Variants in PTBP2 observed in about 807,000 individuals in gnomAD.
The protein encoded by PTBP2 is polypyrimidine tract-binding protein 2.
In PTBP2, 13 loss-of-function variants were observed where a neutral mutation model predicts 61.4. That is an observed-to-expected ratio of 0.21 (90% CI 0.14 to 0.34). The LOEUF (loss-of-function observed/expected upper bound fraction) is 0.34. Among genes scored for constraint, PTBP2 ranks in the 10% least tolerant of loss-of-function variants. The pLI is 1.00. For missense variants in PTBP2, 405 were observed against 642.6 expected (o/e 0.63, Z 4.00); for synonymous variants, 215 against 218.5 (o/e 0.98, Z 0.14).
chr1:96,780,643 T>C (rs1463657229), intron 7 of PTBP2, among the ~76,000 whole-genome samples: 1 of 151,994 alleles, frequency 6.6e-6, no homozygotes, highest in African/African-American at 2.4e-5. Flanking sequence ...ACCTCTCTAT[T>C]TCTTCCTTGT....
chr1:96,812,945 G>A lies in PTBP2; in HGVS notation c.1388+17G>A, dbSNP rs1662215593. The A allele has an allele frequency of 1.9e-6, 3 of 1,596,936 alleles. No individual in the cohort carries two copies. The highest frequency in any genetic ancestry group is 1.3e-5 in the African/African-American group (1 of 74,472). ...TAATATCCCGTAAGTATATAAGCTA[G>A]AGTGTATTGAGATACATTCTATTTT... is the stretch of plus-strand genomic sequence containing the variant. On this transcript the variant is annotated intron_variant, in intron 12 of 13. Coordinates refer to ENST00000674951, the MANE Select transcript of PTBP2 (RefSeq NM_021190.4).
chr1:96,803,180 A>G (rs555305273), intron 8 of PTBP2, among the ~76,000 whole-genome samples: 10 of 152,288 alleles, frequency 6.6e-5, no homozygotes, highest in South Asian at 4.1e-4. Context: ...ACTGAAGACT[A>G]TTGTGCATTA....
intron 5 of PTBP2, among the ~76,000 whole-genome samples, chr1:96,775,469 T>C (rs747232609): frequency 6.6e-6 from 1 of 152,202 alleles, no homozygotes; most frequent in Non-Finnish European, 1.5e-5. Flanking sequence ...AACAAGCTAC[T>C]GCTGCCTGCA....
rs1662196961 is a variant in PTBP2, at chr1:96,812,643, AC to A, written c.1172-68del. 5.0e-5 allele frequency: 62 copies of A among 1,230,738 alleles called. No individual in the cohort carries two copies. In the South Asian group the frequency reaches 8.5e-4, roughly 17 times the overall value. 76.2% of individuals were successfully genotyped at this position (1,230,738 alleles called of 1,614,324 possible). A position where few individuals can be genotyped will look rare whatever the true frequency, so the allele number is the denominator to read the frequency against. On this transcript the variant is annotated intron_variant, in intron 11 of 13. Transcript: ENST00000674951. ...AGAAAATTCAAATTTTTAAACTGTT[AC>A]GTTAAAAGAATTATGTTTGTTTTGA...
rs1662351106 is a variant in PTBP2, at chr1:96,814,400, T to G, written c.*995T>G. On this transcript the variant is annotated 3_prime_UTR_variant, in exon 14 of 14. Coordinates refer to ENST00000674951, the MANE Select transcript of PTBP2 (RefSeq NM_021190.4). ...GTACTGCGAAAATATGCAGGAAGAT[T>G]AATTTTGTGGCAGTTTTCTAAAACT... 6.6e-6 allele frequency: 1 copy of G among 152,560 alleles called. No homozygotes were observed. Among genetic ancestry groups the G allele is most frequent in the Admixed American group, 6.5e-5 (1 of 15,274 alleles). 9.5% of individuals were successfully genotyped at this position (152,560 alleles called of 1,614,324 possible).
downstream of PTBP2, chr1:96,818,572 T>C (rs1386466718): frequency 6.6e-6 from 1 of 152,110 alleles, no homozygotes; most frequent in Non-Finnish European, 1.5e-5. Context: ...TAGTATCACC[T>C]AGGAGTTTAT....
intron 5 of PTBP2, among the ~76,000 whole-genome samples, chr1:96,775,014 C>T (rs1195651222): frequency 6.6e-6 from 1 of 152,216 alleles, no homozygotes; most frequent in Non-Finnish European, 1.5e-5. Flanking sequence ...ACCACCCTTC[C>T]TCCACCTCAC....
At chr1:96,784,945 C>G (rs1265318714) in intron 7 of PTBP2, 114 bp from the exon 8 acceptor site, 6 of 820,342 alleles carry the variant, frequency 7.3e-6, no homozygotes, top group Non-Finnish European at 1.1e-5. Flanking sequence ...GAATCCTTTT[C>G]CTGGTAGCTT....
chr1:96,773,123 C>CAA (rs563241972), intron 5 of PTBP2, among the ~76,000 whole-genome samples: 4,255 of 87,878 alleles, frequency 0.048, 194 homozygotes, highest in African/African-American at 0.11. Flanking sequence ...GACTCTATCT[C>CAA]AAAAAAAAAA....
Position 96,771,014 on chromosome 1 carries a change from A to G in PTBP2, c.432+163A>G, listed in dbSNP as rs1257729096. 2.2e-5 allele frequency: 12 copies of G among 555,790 alleles called. No individual in the cohort carries two copies. The East Asian group carries it at 2.6e-4, about 12-fold the overall frequency. The allele number at this position is 555,790 out of a possible 1,614,324, so 34.4% of individuals were successfully genotyped here. ...AGAATGTTTCTAAGTATTAAATACT[A>G]TGTCATTTTGAATTCCTTTAATCCC... On this transcript the variant is annotated intron_variant, in intron 5 of 13. Transcript: ENST00000674951.
chr1:96,723,762 TAA>T (rs1480825680), intron 2 of PTBP2, among the ~76,000 whole-genome samples, 168 bp downstream of exon 2: 2 of 152,210 alleles, frequency 1.3e-5, no homozygotes, highest in Non-Finnish European at 2.9e-5. Flanking sequence ...GTAATCACCA[TAA>T]GTTTTTCTAG....
At chr1:96,729,343 T>C (rs1009928715) in intron 2 of PTBP2, among the ~76,000 whole-genome samples, 1 of 152,202 alleles carries the variant, frequency 6.6e-6, no homozygotes, top group Non-Finnish European at 1.5e-5. Flanking sequence ...ATTTTCTACA[T>C]AGATAATTTA....
In PTBP2 at chr1:96,813,994, C is replaced by T. The variant is rs1402372313; in HGVS notation, c.*589C>T. 1 of 152,396 alleles carries T rather than the reference C, an allele frequency of 6.6e-6. No individual in the cohort carries two copies. The highest frequency in any genetic ancestry group is 1.9e-4 in the East Asian group (1 of 5,194). 9.4% of individuals were successfully genotyped at this position (152,396 alleles called of 1,614,324 possible). On this transcript the variant is annotated 3_prime_UTR_variant, in exon 14 of 14. Transcript: ENST00000674951. ...AAAACAACATTGGCCTTTTGTATCT[C>T]ACAATTCTGGTCTAGATTCAGTTAT...
At chr1:96,798,160 C>T (rs569220620) in intron 8 of PTBP2, among the ~76,000 whole-genome samples, 2 of 151,846 alleles carry the variant, frequency 1.3e-5, no homozygotes, top group South Asian at 2.1e-4. Flanking sequence ...AATCCCAGCA[C>T]TTTGGGAGGC....
rs140390095 is a variant in PTBP2 at position 96,807,100 on chromosome 1, A to C, written c.1171+142A>C. 4.8e-4 allele frequency: 296 copies of C among 612,156 alleles called. No individual in the cohort carries two copies. The African/African-American group carries it at 5.3e-3, about 11-fold the overall frequency. The allele number at this position is 612,156 out of a possible 1,614,324, so 37.9% of individuals were successfully genotyped here. A position where few individuals can be genotyped will look rare whatever the true frequency, so the allele number is the denominator to read the frequency against. On this transcript the variant is annotated intron_variant, in intron 11 of 13. Transcript: ENST00000674951. ...GGGCTCAAAATGTCATTTTAATGTG[A>C]ATAGTTGTATGTGACGAACATATTT...
At chr1:96,802,069 G>A (rs2101170069) in intron 8 of PTBP2, among the ~76,000 whole-genome samples, 1 of 151,190 alleles carries the variant, frequency 6.6e-6, no homozygotes, top group South Asian at 2.1e-4. Flanking sequence ...AAATTAGCCG[G>A]GCGTGTTGGC....
intron 5 of PTBP2, among the ~76,000 whole-genome samples, chr1:96,773,962 CAA>C (rs11449316): frequency 2.7e-4 from 23 of 84,952 alleles, no homozygotes; most frequent in East Asian, 3.1e-4. Context: ...GACTCTGTCT[CAA>C]AAAAAAAAAA....
chr1:96,769,087 T>C (rs1657083817), intron 3 of PTBP2, among the ~76,000 whole-genome samples: 1 of 152,170 alleles, frequency 6.6e-6, no homozygotes, highest in South Asian at 2.1e-4. Context: ...ATGAGGATAC[T>C]CTCGGAGAAA....
At chr1:96,723,629 G>A (rs908520251) in intron 2 of PTBP2, 35 bp downstream of exon 2, 1 of 1,530,962 alleles carries the variant, frequency 6.5e-7, no homozygotes, top group Non-Finnish European at 8.9e-7. Flanking sequence ...TGGGATTGTT[G>A]GATCTATTAT....
Sources: gnomAD v4.1 joint callset for allele counts (sites outside exome capture counted in the v4.1 genomes callset) on GRCh38, gnomAD v4.1.1 for gene constraint, MANE v1.5 for transcripts, NCBI Gene and HGNC (gene_info 2026-07-23, HGNC 2026-07-21) for gene names.